The following SMG6 variants were observed in gnomAD, a reference collection of about 807,000 sequenced individuals.
SMG6 encodes SMG6 nonsense mediated mRNA decay factor.
In SMG6, 66 loss-of-function variants were observed where a neutral mutation model predicts 142.2. The observed-to-expected ratio is 0.46, with a 90% CI of 0.38 to 0.57. The LOEUF is 0.57. Among genes scored for constraint, SMG6 ranks in the 20% least tolerant of loss-of-function variants. The pLI is 0.00. For missense variants in SMG6, 1,793 were observed against 1,832.0 expected, an observed-to-expected ratio of 0.98 and a Z score of 0.39; for synonymous variants, 779 against 702.4, an observed-to-expected ratio of 1.11 and a Z score of -1.72.
Position 2,300,527 on chromosome 17 carries a change from C to G in SMG6, c.226G>C (p.Asp76His). ...CAATCTCGGTCATTAACAATTTCATCTTTGAATTCCTCACTCCCAGGGGGT... is the reference window on the plus strand; with the variant it reads ...CAATCTCGGTCATTAACAATTTCATGTTTGAATTCCTCACTCCCAGGGGGT... ...KEPPGSEEFK[D>H]EIVNDRDCSA... Residue 76 changes from aspartate (D) to histidine (H), a missense_variant, in exon 2 of 19, where the codon GAT becomes CAT. Asp to His is a moderately conservative substitution (Grantham distance 81, BLOSUM62 -1). Transcript: ENST00000263073. 3 of 1,614,142 alleles carry G rather than the reference C, an allele frequency of 1.9e-6. No individual in the cohort carries two copies. The highest frequency in any genetic ancestry group is 2.5e-6 in the Non-Finnish European group (3 of 1,180,012).
chr17:2,065,401 C>T, intron 17 of SMG6, 67 bp downstream of exon 17: 2 of 1,509,328 alleles, frequency 1.3e-6, no homozygotes, highest in Non-Finnish European at 1.8e-6. Flanking sequence ...TCCTTCAGCC[C>T]TTCCTTCCTG....
chr17:2,292,891 C>A lies in SMG6; in HGVS notation c.2238G>T (p.Ala746=), dbSNP rs147760228. The change falls in exon 5 of 19, where the codon GCG becomes GCT. Residue 746 remains alanine, a synonymous_variant. Coordinates refer to ENST00000263073, the MANE Select transcript of SMG6 (RefSeq NM_017575.5). ...ARYREQASDT[A]NYGKARSWYL... The stretch of plus-strand genomic sequence containing the variant: ...AGTACCTGCGTGCTTTCCCATAATT[C>A]GCTGTATCACTGGCTTGCTCCCGGT... The A allele has an allele frequency of 1.4e-5, 22 of 1,613,876 alleles. No individual in the cohort carries two copies. Among genetic ancestry groups the A allele is most frequent in the Middle Eastern group, 3.3e-4 (2 of 6,084 alleles).
chr17:2,296,460 G>A (rs375245), intron 4 of SMG6, among the ~76,000 whole-genome samples: 86,654 of 151,500 alleles, frequency 0.57, 25,994 homozygotes, highest in East Asian at 0.75. Context: ...GGGGTCCCCA[G>A]CCCCCAGGCC....
intron 10 of SMG6, among the ~76,000 whole-genome samples, chr17:2,201,553 C>T (rs922033933): frequency 2.7e-5 from 4 of 150,540 alleles, no homozygotes; most frequent in Admixed American, 1.3e-4. Flanking sequence ...AAATATTGGG[C>T]GTGGTGGCAG....
Position 2,282,663 on chromosome 17 carries a change from C to T in SMG6, c.2645G>A (p.Ser882Asn), listed in dbSNP as rs770507452. The stretch of plus-strand genomic sequence containing the variant: ...GGAACTTACATCACTGGGACTCAGG[C>T]TGCCCAGCCCATTCTCTTGCTCAGA... Reference protein sequence around the residue: ...KDSEQENGLGSLSPSDLNKRF... With the variant: ...KDSEQENGLGNLSPSDLNKRF... The change falls in exon 8 of 19, where the codon AGC (serine) becomes AAC (asparagine). Residue 882 changes from serine (S) to asparagine (N), a missense_variant. This residue lies in a region of SMG6 where 1,597 missense variants were observed against 1,584.6 expected (regional missense o/e 1.01). Coordinates refer to ENST00000263073, the MANE Select transcript of SMG6 (RefSeq NM_017575.5). The T allele has an allele frequency of 1.1e-5, 17 of 1,613,880 alleles. No individual in the cohort carries two copies. The highest frequency in any genetic ancestry group is 1.4e-5 in the Non-Finnish European group (16 of 1,179,970).
Position 2,300,318 on chromosome 17 carries a change from G to A in SMG6, c.435C>T (p.Ile145=), listed in dbSNP as rs751910535. ...IKRTKKPDLQ[I]YQPGRRLQTV... ...TCTGCAAACGTCGTCCAGGCTGATA[G>A]ATCTGCAGGTCGGGTTTCTTTGTTC... is the stretch of plus-strand genomic sequence containing the variant. Residue 145 remains isoleucine, a synonymous_variant, in exon 2 of 19, where the codon ATC becomes ATT. Coordinates refer to ENST00000263073, the MANE Select transcript of SMG6 (RefSeq NM_017575.5). 1.2e-6 allele frequency: 2 copies of A among 1,614,028 alleles called. No individual in the cohort carries two copies. Among genetic ancestry groups the A allele is most frequent in the Admixed American group, 3.3e-5 (2 of 60,030 alleles).
At chr17:2,298,827 C>A in intron 2 of SMG6, 79 bp downstream of exon 2, 1 of 1,403,840 alleles carries the variant, frequency 7.1e-7, no homozygotes, top group Non-Finnish European at 9.6e-7. Context: ...TAAAAAGTTT[C>A]TACCTTCCTC....
intron 14 of SMG6, 68 bp from the exon 15 acceptor site, chr17:2,082,024 C>G (rs1400184447): frequency 6.4e-7 from 1 of 1,558,854 alleles, no homozygotes; most frequent in African/African-American, 1.4e-5. Context: ...CTTACTGAAC[C>G]CAACATTGCC....
intron 8 of SMG6, chr17:2,265,979 G>C (rs769620665): frequency 4.1e-6 from 4 of 984,982 alleles, no homozygotes; most frequent in Admixed American, 1.2e-4. Flanking sequence ...TCTCATTCTC[G>C]TCCCCTGTGC....
intron 10 of SMG6, among the ~76,000 whole-genome samples, chr17:2,210,953 G>T (rs549623037): frequency 2.6e-4 from 40 of 151,894 alleles, no homozygotes; most frequent in Middle Eastern, 3.4e-3. Flanking sequence ...CTTCTGAAAG[G>T]CTTCTTTCAA....
At chr17:2,119,483 C>T (rs967440126) in intron 13 of SMG6, among the ~76,000 whole-genome samples, 5 of 151,906 alleles carry the variant, frequency 3.3e-5, no homozygotes, top group African/African-American at 9.7e-5. Context: ...CATTAGTCAC[C>T]GCACCCAGCC....
chr17:2,273,476 T>G (rs2074582938), intron 8 of SMG6, among the ~76,000 whole-genome samples: 1 of 151,936 alleles, frequency 6.6e-6, no homozygotes, highest in Admixed American at 6.6e-5. Context: ...CTGGCCAAAA[T>G]ACACAAATTA....
Position 2,300,678 on chromosome 17 carries a change from G to A in SMG6, c.89-14C>T, listed in dbSNP as rs1567766516. 6.4e-7 allele frequency: 1 copy of A among 1,553,490 alleles called. No homozygotes were observed. The highest frequency in any genetic ancestry group is 8.7e-7 in the Non-Finnish European group (1 of 1,154,286). On this transcript the variant is annotated splice_polypyrimidine_tract_variant and intron_variant, in intron 1 of 18. Transcript: ENST00000263073. ...CCTTCATGTTTTCTGTTATGTCGGGGAAAGAGTTTGGGAGGGAAAGGTAGA... is the reference window on the plus strand; with the variant it reads ...CCTTCATGTTTTCTGTTATGTCGGGAAAAGAGTTTGGGAGGGAAAGGTAGA...
At position 2,081,890 on chromosome 17, in the gene SMG6, C is replaced by T; in HGVS notation, c.3601G>A (p.Asp1201Asn). The change falls in exon 15 of 19, where the codon GAC becomes AAC. Residue 1201 changes from aspartate (D) to asparagine (N), a missense_variant. Around this residue, in one of 3 missense-constraint regions of SMG6, gnomAD observed 1,597 missense variants for 1,584.6 expected, o/e 1.01. Transcript: ENST00000263073. The part of the protein sequence containing the change: ...SEAEGSGGED[D>N]IRELRAKKLA... ...TTCTTGGCCCGAAGCTCCCTGATGT[C>T]ATCCTCGCCTCCGCTGCCTTCAGCC... is the stretch of plus-strand genomic sequence containing the variant. The T allele has an allele frequency of 6.2e-7, 1 of 1,614,180 alleles. No individual in the cohort carries two copies. Among genetic ancestry groups the T allele is most frequent in the Non-Finnish European group, 8.5e-7 (1 of 1,180,048 alleles).
At chr17:2,075,141 T>C (rs934403489) in intron 15 of SMG6, among the ~76,000 whole-genome samples, 1 of 152,198 alleles carries the variant, frequency 6.6e-6, no homozygotes, top group South Asian at 2.1e-4. Context: ...GAGCCAGGCC[T>C]GAGTGTCTGC....
intron 13 of SMG6, chr17:2,101,298 C>T (rs996901980): frequency 2.6e-5 from 4 of 152,036 alleles, no homozygotes; most frequent in Non-Finnish European, 5.9e-5. Context: ...GATGGGGCCT[C>T]GCTATGCTGC....
At chr17:2,095,718 AC>A (rs1398897055) in intron 13 of SMG6, among the ~76,000 whole-genome samples, 1 of 152,150 alleles carries the variant, frequency 6.6e-6, no homozygotes, top group African/African-American at 2.4e-5. Flanking sequence ...CCTTGCAGAG[AC>A]CCAGGACACT....
In SMG6 at chr17:2,178,641, T is replaced by A. The variant is rs372102213; in HGVS notation, c.3156-5782A>T. 1.1e-4 allele frequency among the ~76,000 whole-genome samples: 17 copies of A among 152,296 alleles called. No individual in the cohort carries two copies. In the East Asian group the frequency reaches 1.4e-3, roughly 12 times the overall value. ...AGGATTTCTCAAGTATCAGAGCACC[T>A]CAACCATCCACTGCCCCCAATATGT... On this transcript the variant is annotated intron_variant, in intron 12 of 18. Coordinates refer to ENST00000263073, the MANE Select transcript of SMG6 (RefSeq NM_017575.5).
chr17:2,289,644 G>A (rs978270361), intron 6 of SMG6, among the ~76,000 whole-genome samples: 20 of 152,088 alleles, frequency 1.3e-4, no homozygotes, highest in Non-Finnish European at 2.1e-4. Context: ...TGCCAGGTGC[G>A]GTGGCTCACG....
Sources: allele counts gnomAD v4.1 joint callset (sites outside exome capture counted in the v4.1 genomes callset), GRCh38; gene constraint gnomAD v4.1.1; regional missense constraint gnomAD v4.1.1; transcripts MANE v1.5; gene names NCBI Gene and HGNC (gene_info 2026-07-23, HGNC 2026-07-21).